TOGARAM2: variants seen among roughly 807,000 people sequenced by gnomAD.
TOGARAM2 encodes TOG array regulator of axonemal microtubules protein 2.
TOGARAM2 carries 85 observed loss-of-function variants against 93.3 expected under a neutral mutation model. The ratio of observed to expected loss-of-function variants is 0.91; its 90% CI spans 0.76 to 1.09. TOGARAM2 has a LOEUF of 1.09. TOGARAM2 is among the 50% of genes least tolerant of loss of function. The probability of loss-of-function intolerance (pLI) is 0.00; values close to 1 mark genes in which losing one functional copy is unlikely to be tolerated. For synonymous variants in TOGARAM2, 593 were observed against 552.8 expected (o/e 1.07, Z -1.02); for missense variants, 1,277 against 1,334.5 (o/e 0.96, Z 0.67).
intron 1 of TOGARAM2, among the ~76,000 whole-genome samples, chr2:28,994,057 G>T (rs1185573934): frequency 6.6e-6 from 1 of 152,210 alleles, no homozygotes; most frequent in Non-Finnish European, 1.5e-5. Context: ...ATTGTGTGAA[G>T]CTGCAGAGTG....
intron 7 of TOGARAM2, 87 bp from the exon 8 acceptor site, chr2:29,014,308 A>G: frequency 6.8e-7 from 1 of 1,460,232 alleles, no homozygotes; most frequent in Non-Finnish European, 9.3e-7. Flanking sequence ...TGTGGGGCTT[A>G]GCAGTAGAAT....
chr2:28,978,331 A>G (rs978794808), upstream of TOGARAM2, among the ~76,000 whole-genome samples: 2 of 152,188 alleles, frequency 1.3e-5, no homozygotes, highest in Admixed American at 1.3e-4. Flanking sequence ...CAAGGGGAGA[A>G]GACCCCTCAG....
chr2:29,033,563 G>T lies in TOGARAM2; in HGVS notation c.2225G>T (p.Gly742Val), dbSNP rs377632752. The change falls in exon 16 of 20, where the codon GGG becomes GTG. Residue 742 changes from glycine to valine, a missense_variant and splice_region_variant. Gly to Val is a moderately radical substitution (Grantham distance 109). Coordinates refer to ENST00000379558, the MANE Select transcript of TOGARAM2 (RefSeq NM_199280.4). ...GAGAACGGGCTGCCCATCAAGGAGG[G>T]GTATGGCTGCTCCTGTATCTCTGGG... is the stretch of plus-strand genomic sequence containing the variant. ...VCENGLPIKEGLSCNGPRLVG... is the reference protein window; with the variant it reads ...VCENGLPIKEVLSCNGPRLVG... 21 of 1,612,314 alleles carry T rather than the reference G, an allele frequency of 1.3e-5. No homozygotes were observed. The highest frequency in any genetic ancestry group is 1.8e-5 in the Non-Finnish European group (21 of 1,179,282).
At chr2:28,997,970 C>A (rs1373326379) in intron 2 of TOGARAM2, among the ~76,000 whole-genome samples, 173 bp from the exon 3 acceptor site, 2 of 152,210 alleles carry the variant, frequency 1.3e-5, no homozygotes. Context: ...AGGCACCCTG[C>A]CTGGCCCTGC....
chr2:29,006,245 AGT>A (rs1487219922), intron 6 of TOGARAM2, among the ~76,000 whole-genome samples: 4 of 117,432 alleles, frequency 3.4e-5, no homozygotes, highest in Admixed American at 8.6e-5. Context: ...CCATTTGTGG[AGT>A]GTGTGTGCAT....
At chr2:29,002,064 T>G (rs928246640) in intron 4 of TOGARAM2, among the ~76,000 whole-genome samples, 2 of 152,090 alleles carry the variant, frequency 1.3e-5, no homozygotes, top group African/African-American at 4.8e-5. Flanking sequence ...TAGACTATGT[T>G]AGCTGTGTCA....
chr2:28,990,997 T>TGTGTGTGTGTGAAGG (rs540388969), intron 1 of TOGARAM2, among the ~76,000 whole-genome samples: 12 of 44,566 alleles, frequency 2.7e-4, no homozygotes, highest in African/African-American at 6.1e-4. Context: ...GAAGGGTGTG[T>TGTGTGTGTGTGAAGG]GTGTGTGTGT....
rs765888282 is a variant in TOGARAM2 at position 29,002,594 on chromosome 2, A to G, written c.486A>G (p.Arg162=). The change falls in exon 5 of 20, where the codon CGA becomes CGG. Residue 162 remains arginine (R), a synonymous_variant. Coordinates refer to ENST00000379558, the MANE Select transcript of TOGARAM2 (RefSeq NM_199280.4). ...QGVPLHSTIP[R]ATSQRLLRVP... Reference sequence around the variant, plus strand: ...TTCCCCTGCACAGCACCATCCCCCGAGCCACCTCTCAGAGGCTGCTGAGGG... The same window carrying G: ...TTCCCCTGCACAGCACCATCCCCCGGGCCACCTCTCAGAGGCTGCTGAGGG... 5.0e-6 allele frequency: 8 copies of G among 1,613,808 alleles called. No individual in the cohort carries two copies. The African/African-American group carries it at 9.3e-5, about 19-fold the overall frequency.
intron 18 of TOGARAM2, among the ~76,000 whole-genome samples, chr2:29,041,097 G>A (rs998898615): frequency 4.7e-5 from 7 of 150,328 alleles, no homozygotes; most frequent in South Asian, 2.1e-4. Flanking sequence ...CAATCTGGGC[G>A]CACTGCAACC....
chr2:29,036,333 T>C (rs1666105618), intron 17 of TOGARAM2, among the ~76,000 whole-genome samples: 1 of 152,152 alleles, frequency 6.6e-6, no homozygotes, highest in African/African-American at 2.4e-5. Context: ...ATGCAATGAG[T>C]GCTCAATACC....
At chr2:29,032,089 T>A (rs1017998100) in intron 14 of TOGARAM2, among the ~76,000 whole-genome samples, 1 of 152,186 alleles carries the variant, frequency 6.6e-6, no homozygotes, top group African/African-American at 2.4e-5. Context: ...CCTAGCCTTG[T>A]CTCCACCAAT....
At chr2:29,013,240 G>T (rs1364845081) in intron 7 of TOGARAM2, among the ~76,000 whole-genome samples, 1 of 152,312 alleles carries the variant, frequency 6.6e-6, no homozygotes, top group East Asian at 1.9e-4. Context: ...GCAATACTGT[G>T]GATTTGATGC....
intron 1 of TOGARAM2, among the ~76,000 whole-genome samples, chr2:28,975,926 G>T (rs1275789080): frequency 1.3e-5 from 2 of 152,148 alleles, no homozygotes; most frequent in Non-Finnish European, 2.9e-5. Context: ...ACTGGGCCCT[G>T]CTGGTGGAGG....
rs143728010 is a variant in TOGARAM2, at chr2:29,021,312, G to A, written c.1361-846G>A. Among the ~76,000 whole-genome samples, 11 of 152,294 alleles carry A rather than the reference G, an allele frequency of 7.2e-5. No homozygotes were observed. The East Asian group carries it at 7.7e-4, about 11-fold the overall frequency. ...AATCATCCTGGTGGAGGTGAAGCTC[G>A]GGAGAAAACTCGCCAGGAAGGAAGA... is the stretch of plus-strand genomic sequence containing the variant. On this transcript the variant is annotated intron_variant, in intron 10 of 19. Transcript: ENST00000379558.
At chr2:29,015,229 G>A (rs1368711296) in intron 8 of TOGARAM2, among the ~76,000 whole-genome samples, 1 of 152,134 alleles carries the variant, frequency 6.6e-6, no homozygotes, top group Admixed American at 6.5e-5. Context: ...CCACTGTAGA[G>A]AGGACCACAG....
chr2:29,026,725 G>T, intron 13 of TOGARAM2, 128 bp from the exon 14 acceptor site: 1 of 1,026,186 alleles, frequency 9.7e-7, no homozygotes. Context: ...CTCACATGGG[G>T]ACAGGTATTT....
upstream of TOGARAM2, among the ~76,000 whole-genome samples, chr2:28,979,186 C>T (rs889564963): frequency 3.8e-4 from 58 of 152,094 alleles, no homozygotes; most frequent in Admixed American, 1.3e-4. Flanking sequence ...TTGTGTTTGC[C>T]TCAGCGGTTT....
chr2:28,996,883 T>G (rs1342487075), intron 2 of TOGARAM2, among the ~76,000 whole-genome samples: 1 of 152,140 alleles, frequency 6.6e-6, no homozygotes, highest in Middle Eastern at 3.2e-3. Context: ...ATTCTTTTTT[T>G]ATTCTTTTTT....
intron 1 of TOGARAM2, among the ~76,000 whole-genome samples, chr2:28,982,328 G>A (rs887632734): frequency 1.3e-5 from 2 of 152,182 alleles, no homozygotes; most frequent in Admixed American, 6.5e-5. Flanking sequence ...GACCTCAGAG[G>A]GCTGCCATTT....
Sources: allele counts gnomAD v4.1 joint callset (sites outside exome capture counted in the v4.1 genomes callset), GRCh38; gene constraint gnomAD v4.1.1; transcripts MANE v1.5; gene names NCBI Gene and HGNC (gene_info 2026-07-23, HGNC 2026-07-21).